The following ANKRD11 variants were observed in gnomAD, a reference collection of about 807,000 sequenced individuals.
ANKRD11 encodes ankyrin repeat domain-containing protein 11.
In ANKRD11, 17 loss-of-function variants were observed where a neutral mutation model predicts 195.7. The observed-to-expected ratio is 0.09, with a 90% confidence interval of 0.06 to 0.13. ANKRD11 has a LOEUF of 0.13. Ranked by LOEUF, ANKRD11 falls within the 10% of genes least tolerant of loss-of-function variation. The pLI is 1.00. For missense variants in ANKRD11, 3,735 were observed against 3,566.1 expected, an observed-to-expected ratio of 1.05 and a Z score of -1.21; for synonymous variants, 1,953 against 1,528.1, an observed-to-expected ratio of 1.28 and a Z score of -6.49.
Position 89,285,530 on chromosome 16 carries a change from T to C in ANKRD11, c.1012A>G (p.Lys338Glu). The change falls in exon 9 of 13, where the codon AAG becomes GAG. Residue 338 changes from lysine to glutamate, a missense_variant. Lys to Glu is a moderately conservative substitution (Grantham distance 56). Transcript: ENST00000301030. This position sits in a 1 kb window ranked among gnomAD's most constrained non-coding sequence, Gnocchi z 5.6. ...KHKAKNPEPQ[K>E]ATAPVKDEYE... is the part of the protein sequence containing the mutation. ...TCGTCCTTGACGGGGGCCGTGGCCTTCTGTGGCTCTGGGTTCTTGGCCTTG... is the reference window on the plus strand; with the variant it reads ...TCGTCCTTGACGGGGGCCGTGGCCTCCTGTGGCTCTGGGTTCTTGGCCTTG... 6 of 1,614,018 alleles carry C rather than the reference T, an allele frequency of 3.7e-6. No individual in the cohort carries two copies. The highest frequency in any genetic ancestry group is 5.1e-6 in the Non-Finnish European group (6 of 1,179,926).
intron 2 of ANKRD11, chr16:89,323,877 T>C (rs2037523783): frequency 4.6e-6 from 1 of 217,646 alleles, no homozygotes; most frequent in Non-Finnish European, 9.2e-6. Context: ...TCTCACCCCA[T>C]AAGCCACACT....
intron 1 of ANKRD11, among the ~76,000 whole-genome samples, chr16:89,428,074 G>A (rs975308662): frequency 6.6e-6 from 1 of 151,540 alleles, no homozygotes; most frequent in African/African-American, 2.4e-5. Flanking sequence ...CAGACATGGT[G>A]GCGCGCGCCT....
At chr16:89,474,357 C>T (rs184101789) in intron 1 of ANKRD11, among the ~76,000 whole-genome samples, 10 of 152,102 alleles carry the variant, frequency 6.6e-5, no homozygotes, top group African/African-American at 2.2e-4. Context: ...TGACTCATGC[C>T]TGTAATCCCA....
At chr16:89,374,000 TA>T (rs2040309016) in intron 2 of ANKRD11, among the ~76,000 whole-genome samples, 1 of 152,256 alleles carries the variant, frequency 6.6e-6, no homozygotes, top group East Asian at 1.9e-4. Context: ...ACGACCACAA[TA>T]CCTGCAGGAC....
At chr16:89,483,332 G>A (rs1214123726) in intron 1 of ANKRD11, among the ~76,000 whole-genome samples, 1 of 152,128 alleles carries the variant, frequency 6.6e-6, no homozygotes, top group Non-Finnish European at 1.5e-5. Context: ...CAGTCATCTG[G>A]TGAGAACCCA....
intron 1 of ANKRD11, among the ~76,000 whole-genome samples, chr16:89,428,197 G>C (rs564451620): frequency 6.6e-6 from 1 of 151,358 alleles, no homozygotes; most frequent in South Asian, 2.1e-4. Context: ...AGCAGAGCAA[G>C]ACTCCATCTC....
intron 3 of ANKRD11, among the ~76,000 whole-genome samples, chr16:89,314,166 TGGG>T (rs112476707): frequency 1.3e-5 from 2 of 151,706 alleles, no homozygotes; most frequent in Admixed American, 6.6e-5. Context: ...TGGGGCAGGG[TGGG>T]GGGTTATGGA....
At chr16:89,273,901 C>T (rs1027189396) in intron 11 of ANKRD11, among the ~76,000 whole-genome samples, 5 of 152,146 alleles carry the variant, frequency 3.3e-5, no homozygotes, top group Middle Eastern at 6.8e-3. Flanking sequence ...GCACATATTA[C>T]GAGGGCTCTC....
intron 1 of ANKRD11, among the ~76,000 whole-genome samples, chr16:89,478,151 G>T (rs909981588): frequency 2.6e-5 from 4 of 152,168 alleles, no homozygotes; most frequent in African/African-American, 9.7e-5. Context: ...TCCCAACGTT[G>T]TTGTCAGGGC....
At chr16:89,317,371 G>A (rs1200013762) in intron 2 of ANKRD11, among the ~76,000 whole-genome samples, 2 of 152,240 alleles carry the variant, frequency 1.3e-5, no homozygotes, top group African/African-American at 4.8e-5. Context: ...CTGGGTGGCA[G>A]TCAGCAGCAC....
intron 1 of ANKRD11, among the ~76,000 whole-genome samples, chr16:89,489,931 G>A (rs2152387454): frequency 1.8e-5 from 2 of 113,770 alleles, no homozygotes; most frequent in South Asian, 2.9e-4. Flanking sequence ...CGCCCCTTAC[G>A]GCCGACCCAA....
chr16:89,427,968 G>A (rs970999209), intron 1 of ANKRD11, among the ~76,000 whole-genome samples: 1 of 151,968 alleles, frequency 6.6e-6, no homozygotes, highest in African/African-American at 2.4e-5. Flanking sequence ...AGCACTTTGG[G>A]AGGCCAAGGC....
In ANKRD11 at chr16:89,282,781, C is replaced by T; in HGVS notation, c.3761G>A (p.Ser1254Asn). 1 of 1,612,350 alleles carries T rather than the reference C, an allele frequency of 6.2e-7. No individual in the cohort carries two copies. The highest frequency in any genetic ancestry group is 8.5e-7 in the Non-Finnish European group (1 of 1,180,008). Residue 1254 changes from serine to asparagine, a missense_variant, in exon 9 of 13, where the codon AGC becomes AAC. Transcript: ENST00000301030. Reference sequence around the variant, plus strand: ...TTTGTCCGACTTCTCTTTGTGTTTGCTTTTAGCCTTGTCTTCGGCAGCGTG... The same window carrying T: ...TTTGTCCGACTTCTCTTTGTGTTTGTTTTTAGCCTTGTCTTCGGCAGCGTG... ...KKHAAEDKAK[S>N]KHKEKSDKEH...
At chr16:89,453,395 C>G (rs1425051992) in intron 1 of ANKRD11, among the ~76,000 whole-genome samples, 1 of 152,160 alleles carries the variant, frequency 6.6e-6, no homozygotes, top group Non-Finnish European at 1.5e-5. Context: ...GAAGTTTCCT[C>G]AAAATTTCTA....
intron 1 of ANKRD11, among the ~76,000 whole-genome samples, chr16:89,454,069 T>G (rs1168622243): frequency 2.6e-5 from 4 of 152,162 alleles, no homozygotes; most frequent in African/African-American, 9.7e-5. Flanking sequence ...CCTTCCACAA[T>G]GCAAATGACA....
chr16:89,351,279 G>T (rs1007386339), intron 2 of ANKRD11, among the ~76,000 whole-genome samples: 2 of 152,142 alleles, frequency 1.3e-5, no homozygotes. Flanking sequence ...CCCACAGGCC[G>T]CCAAACACAT....
rs1308193542 is a variant in ANKRD11, at chr16:89,324,123, G to C, written c.-59-7045C>G. On this transcript the variant is annotated intron_variant, in intron 2 of 12. Transcript: ENST00000301030. ...CCTCGGCCTCCCAAAGTGCCCCACG[G>C]CACAACGCTCTCTACTGCAGCCCTG... 3 of 757,606 alleles carry C rather than the reference G, an allele frequency of 4.0e-6. No individual in the cohort carries two copies. The East Asian group carries it at 2.5e-4, about 64-fold the overall frequency. 46.9% of individuals were successfully genotyped at this position (757,606 alleles called of 1,614,324 possible). A position where few individuals can be genotyped will look rare whatever the true frequency, so the allele number is the denominator to read the frequency against.
chr16:89,350,143 A>G (rs889304501), intron 2 of ANKRD11, among the ~76,000 whole-genome samples: 1 of 152,238 alleles, frequency 6.6e-6, no homozygotes, highest in East Asian at 1.9e-4. Context: ...TAAAACCGCA[A>G]TTCACTAGAA....
At chr16:89,406,672 C>A (rs748033509) in intron 2 of ANKRD11, among the ~76,000 whole-genome samples, 2 of 152,090 alleles carry the variant, frequency 1.3e-5, no homozygotes, top group African/African-American at 4.8e-5. Flanking sequence ...ACTGTGATGC[C>A]GGCATCTGCC....
Sources: gnomAD v4.1 joint callset for allele counts (sites outside exome capture counted in the v4.1 genomes callset) on GRCh38, gnomAD v4.1.1 for gene constraint, Gnocchi (gnomAD v3.1) non-coding constraint, MANE v1.5 for transcripts, NCBI Gene and HGNC (gene_info 2026-07-23, HGNC 2026-07-21) for gene names.